STK24: variants seen among roughly 807,000 people sequenced by gnomAD.
STK24 encodes serine/threonine kinase 24.
Under a neutral mutation model 55.6 loss-of-function variants are expected in STK24, and 21 were observed. The ratio of observed to expected loss-of-function variants is 0.38; its 90% CI spans 0.27 to 0.54. The LOEUF (loss-of-function observed/expected upper bound fraction) is 0.54, where lower values mean the gene tolerates loss of function less well. Among genes scored for constraint, STK24 ranks in the 20% least tolerant of loss-of-function variants. The pLI is 0.79. For missense variants in STK24, 383 were observed against 538.4 expected (o/e 0.71, Z 2.86); for synonymous variants, 200 against 215.2 (o/e 0.93, Z 0.62).
intron 10 of STK24, chr13:98,453,460 T>C (rs1287076798): frequency 2.0e-6 from 1 of 497,188 alleles, no homozygotes; most frequent in African/African-American, 2.0e-5. Context: ...CCTGGAGAGA[T>C]GTGAATAAAA....
At chr13:98,496,145 G>C (rs1895245244) in intron 2 of STK24, among the ~76,000 whole-genome samples, 1 of 152,216 alleles carries the variant, frequency 6.6e-6, no homozygotes, top group African/African-American at 2.4e-5. Context: ...TGGGTGGGAT[G>C]ATTTAAGCAG....
At chr13:98,506,888 C>T (rs891482994) in intron 2 of STK24, among the ~76,000 whole-genome samples, 6 of 152,206 alleles carry the variant, frequency 3.9e-5, no homozygotes, top group African/African-American at 1.4e-4. Flanking sequence ...AGATTCCAGG[C>T]AAGTGTGAAA....
intron 9 of STK24, 68 bp downstream of exon 9, chr13:98,460,304 C>A: frequency 7.1e-7 from 1 of 1,417,108 alleles, no homozygotes; most frequent in South Asian, 1.2e-5. Context: ...GCAACATCAC[C>A]ACTGAAGTGT....
At chr13:98,490,914 C>T (rs1895005506) in intron 2 of STK24, among the ~76,000 whole-genome samples, 1 of 151,476 alleles carries the variant, frequency 6.6e-6, no homozygotes, top group Admixed American at 6.6e-5. Flanking sequence ...GGAGGCTTCC[C>T]ACAGTGAAGG....
At chr13:98,568,021 G>T (rs1897633557) in intron 1 of STK24, among the ~76,000 whole-genome samples, 1 of 149,950 alleles carries the variant, frequency 6.7e-6, no homozygotes, top group Admixed American at 6.6e-5. Context: ...TTTTTTGGAG[G>T]CACAGTCTCG....
At chr13:98,555,820 A>C (rs936797688) in intron 1 of STK24, among the ~76,000 whole-genome samples, 17 of 150,292 alleles carry the variant, frequency 1.1e-4, no homozygotes, top group Non-Finnish European at 2.2e-4. Context: ...AGCTGGGACT[A>C]CAGGTGCCCG....
Position 98,466,531 on chromosome 13 carries a change from T to C in STK24, c.628A>G (p.Ile210Val), listed in dbSNP as rs1247945260. The C allele has an allele frequency of 8.7e-6, 14 of 1,613,952 alleles. No individual in the cohort carries two copies. The highest frequency in any genetic ancestry group is 1.3e-5 in the African/African-American group (1 of 74,942). ...ADIWSLGITA[I>V]ELARGEPPHS... ...GGTGGTTCCCCTCTTGCAAGTTCAA[T>C]AGCTGTTATGCCCAGGGACCAGATG... Residue 210 changes from isoleucine (I) to valine (V), a missense_variant, in exon 6 of 11, where the codon ATT becomes GTT. By Grantham distance (29) the Ile-to-Val change is conservative. Transcript: ENST00000539966.
At chr13:98,559,828 A>C (rs1389906772) in intron 1 of STK24, among the ~76,000 whole-genome samples, 1 of 151,474 alleles carries the variant, frequency 6.6e-6, no homozygotes, top group Non-Finnish European at 1.5e-5. Context: ...CTAACTTCTC[A>C]TATCTCATAT....
chr13:98,509,357 G>A (rs571306979), intron 2 of STK24, among the ~76,000 whole-genome samples: 1 of 152,034 alleles, frequency 6.6e-6, no homozygotes, highest in Admixed American at 6.5e-5. Context: ...AGTCATGAGG[G>A]AAATGCATGT....
chr13:98,512,942 G>A (rs985204780), intron 2 of STK24, among the ~76,000 whole-genome samples: 1 of 152,176 alleles, frequency 6.6e-6, no homozygotes, highest in Admixed American at 6.5e-5. Context: ...CAGACTTACC[G>A]GGGTCACTGC....
chr13:98,508,082 G>A (rs1895757369), intron 2 of STK24, among the ~76,000 whole-genome samples: 1 of 152,108 alleles, frequency 6.6e-6, no homozygotes, highest in African/African-American at 2.4e-5. Flanking sequence ...GACGGTCCCA[G>A]CTACCCAGAA....
At chr13:98,469,809 T>G (rs1159916447) in intron 5 of STK24, among the ~76,000 whole-genome samples, 1 of 152,168 alleles carries the variant, frequency 6.6e-6, no homozygotes, top group African/African-American at 2.4e-5. Context: ...ACCAGACATC[T>G]AACTATGAGT....
At chr13:98,466,629 GA>G in intron 5 of STK24, 68 bp from the exon 6 acceptor site, 1 of 1,511,188 alleles carries the variant, frequency 6.6e-7, no homozygotes, top group Non-Finnish European at 8.9e-7. Flanking sequence ...TATTTAGGGG[GA>G]AAATGGTAAC....
rs149846006 is a variant in STK24 at position 98,500,971 on chromosome 13, G to A, written c.273+18272C>T. 2.4e-4 allele frequency among the ~76,000 whole-genome samples: 37 copies of A among 151,904 alleles called. No individual in the cohort carries two copies. The South Asian group carries it at 2.5e-3, about 10-fold the overall frequency. ...ACTACATCTGATGAGTAAAACATGC[G>A]CGTCCATGTCACACTGGCCAATACA... is the stretch of plus-strand genomic sequence containing the variant. On this transcript the variant is annotated intron_variant, in intron 2 of 10. Transcript: ENST00000539966.
At chr13:98,499,551 A>G (rs1277935183) in intron 2 of STK24, among the ~76,000 whole-genome samples, 1 of 152,148 alleles carries the variant, frequency 6.6e-6, no homozygotes, top group Non-Finnish European at 1.5e-5. Context: ...TCATGTTTCC[A>G]TGGGGCATTT....
chr13:98,558,778 A>G (rs1452094424), intron 1 of STK24, among the ~76,000 whole-genome samples: 2 of 152,192 alleles, frequency 1.3e-5, no homozygotes, highest in Admixed American at 6.6e-5. Flanking sequence ...AACAGTCCAC[A>G]TATTTTAAAC....
At chr13:98,570,037 C>T (rs1464597877) in intron 1 of STK24, among the ~76,000 whole-genome samples, 1 of 151,488 alleles carries the variant, frequency 6.6e-6, no homozygotes, top group African/African-American at 2.4e-5. Flanking sequence ...CCACCACGCC[C>T]AGCTGTTTTT....
chr13:98,519,556 T>C, intron 1 of STK24, 83 bp from the exon 2 acceptor site: 2 of 1,056,450 alleles, frequency 1.9e-6, no homozygotes, highest in South Asian at 1.4e-5. Context: ...TGTAATGTTA[T>C]AGACCACACT....
At position 98,446,841 on chromosome 13, in the gene STK24, AG is replaced by A; in HGVS notation, c.*6331del. Reference sequence around the variant, plus strand: ...AGGTAGACACCCCCTTCCCACGCACAGGGCCCTGCAGAAGAGGACCCCCTCT... The same window carrying A: ...AGGTAGACACCCCCTTCCCACGCACAGGCCCTGCAGAAGAGGACCCCCTCT... On this transcript the variant is annotated 3_prime_UTR_variant, in exon 11 of 11. Coordinates refer to ENST00000539966, the MANE Select transcript of STK24 (RefSeq NM_001032296.4). 1.2e-6 allele frequency: 2 copies of A among 1,612,606 alleles called. No homozygotes were observed. The highest frequency in any genetic ancestry group is 1.7e-6 in the Non-Finnish European group (2 of 1,178,912).
Sources: allele counts gnomAD v4.1 joint callset (sites outside exome capture counted in the v4.1 genomes callset), GRCh38; gene constraint gnomAD v4.1.1; transcripts MANE v1.5; gene names NCBI Gene and HGNC (gene_info 2026-07-23, HGNC 2026-07-21).